ADGRB1: variants seen among roughly 807,000 people sequenced by gnomAD.
ADGRB1 encodes the protein adhesion G protein-coupled receptor B1, also known as brain-specific angiogenesis inhibitor 1.
Under a neutral mutation model 175.7 loss-of-function variants are expected in ADGRB1, and 36 were observed. That is an observed-to-expected ratio of 0.20 (90% CI 0.16 to 0.27). ADGRB1 has a LOEUF of 0.27. ADGRB1 is among the 10% of genes least tolerant of loss of function. The probability of loss-of-function intolerance (pLI) is 1.00; values close to 1 mark genes in which losing one functional copy is unlikely to be tolerated. For synonymous variants in ADGRB1, 1,054 were observed against 979.4 expected, an observed-to-expected ratio of 1.08 and a Z score of -1.42; for missense variants, 1,731 against 2,255.3, an observed-to-expected ratio of 0.77 and a Z score of 4.71.
chr8:142,497,413 G>C (rs1315993845), intron 17 of ADGRB1, among the ~76,000 whole-genome samples: 1 of 152,130 alleles, frequency 6.6e-6, no homozygotes, highest in African/African-American at 2.4e-5. Flanking sequence ...ACTTGGCAGG[G>C]TCCCCGGGTC....
At chr8:142,489,917 G>T (rs1281783862) in intron 16 of ADGRB1, among the ~76,000 whole-genome samples, 4 of 152,226 alleles carry the variant, frequency 2.6e-5, no homozygotes, top group African/African-American at 9.6e-5. Flanking sequence ...CCAGGCCACG[G>T]CTGCTATGTG....
chr8:142,476,764 C>T (rs1057503124), intron 4 of ADGRB1, 69 bp downstream of exon 4: 15 of 1,392,508 alleles, frequency 1.1e-5, no homozygotes, highest in African/African-American at 7.2e-5. Context: ...TCAATTGCAG[C>T]TAGTTATGGG....
At chr8:142,472,599 A>C (rs1840732499) in intron 2 of ADGRB1, among the ~76,000 whole-genome samples, 1 of 152,184 alleles carries the variant, frequency 6.6e-6, no homozygotes, top group Non-Finnish European at 1.5e-5. Context: ...ACATTTACTG[A>C]GTGTCAGCTA....
chr8:142,480,990 G>A (rs570057520), intron 9 of ADGRB1, among the ~76,000 whole-genome samples: 79 of 152,350 alleles, frequency 5.2e-4, no homozygotes, highest in African/African-American at 1.5e-3. Flanking sequence ...CTGCTCGGCC[G>A]AGATCTCCAC....
At chr8:142,518,060 TC>T in intron 18 of ADGRB1, 77 bp from the exon 19 acceptor site, 1 of 1,412,222 alleles carries the variant, frequency 7.1e-7, no homozygotes, top group South Asian at 1.2e-5. Context: ...CTGCGGGCTC[TC>T]GGGTCTCAGT....
At chr8:142,495,705 C>G (rs957494718) in intron 17 of ADGRB1, among the ~76,000 whole-genome samples, 1 of 152,006 alleles carries the variant, frequency 6.6e-6, no homozygotes, top group Non-Finnish European at 1.5e-5. Context: ...CTTTCCTCTT[C>G]TTGTAAGGAC....
At chr8:142,528,574 C>T (rs1264044750) in intron 24 of ADGRB1, among the ~76,000 whole-genome samples, 4 of 152,076 alleles carry the variant, frequency 2.6e-5, no homozygotes, top group Admixed American at 6.5e-5. Flanking sequence ...CTCGGGCGCG[C>T]CCTCAAGTGT....
At chr8:142,520,652 T>C (rs534292724) in intron 19 of ADGRB1, among the ~76,000 whole-genome samples, 171 bp from the exon 20 acceptor site, 1 of 151,520 alleles carries the variant, frequency 6.6e-6, no homozygotes, top group African/African-American at 2.4e-5. Context: ...ATGATGATGA[T>C]GGTGTAATGG....
intron 1 of ADGRB1, among the ~76,000 whole-genome samples, chr8:142,456,778 G>A (rs1255711723): frequency 1.3e-5 from 2 of 152,270 alleles, no homozygotes; most frequent in African/African-American, 4.8e-5. Flanking sequence ...TGGGGTGGAG[G>A]CCTGGGTTGG....
chr8:142,540,937 G>A (rs1845235693), intron 27 of ADGRB1, among the ~76,000 whole-genome samples: 1 of 152,108 alleles, frequency 6.6e-6, no homozygotes, highest in African/African-American at 2.4e-5. Flanking sequence ...CTGTGTTCGG[G>A]AGAGAGAGTG....
intron 17 of ADGRB1, among the ~76,000 whole-genome samples, chr8:142,508,658 G>A (rs532132305): frequency 4.7e-4 from 71 of 152,354 alleles, no homozygotes; most frequent in African/African-American, 1.7e-3. Flanking sequence ...GGCTGGGTAA[G>A]TGTGGAGGAT....
In ADGRB1 at chr8:142,511,984, C is replaced by T. The variant is rs1013361369; in HGVS notation, c.2817+911C>T. On this transcript the variant is annotated intron_variant, in intron 18 of 30. Transcript: ENST00000517894. This position sits in a 1 kb window ranked among gnomAD's most constrained non-coding sequence, Gnocchi z 4.5. Reference sequence around the variant, plus strand: ...GGCATTGCTGGCCCTTGGGGAACCCCGGGTTCGATGTAGAAGGTAGCGCCT... The same window carrying T: ...GGCATTGCTGGCCCTTGGGGAACCCTGGGTTCGATGTAGAAGGTAGCGCCT... Among the ~76,000 whole-genome samples the T allele has an allele frequency of 2.0e-5, 3 of 152,198 alleles. No individual in the cohort carries two copies. The highest frequency in any genetic ancestry group is 6.5e-5 in the Admixed American group (1 of 15,280).
In ADGRB1 at chr8:142,520,910, C is replaced by G. The variant is rs780714527; in HGVS notation, c.3009C>G (p.Thr1003=). ...ATGCCCTCATCCTCATCGGGCAGAC[C>G]CAGACCCGCAACAAGGTAGGCAGCC... ...SSNALILIGQ[T]QTRNKVVCTL... The change falls in exon 20 of 31, where the codon ACC becomes ACG. Residue 1003 remains threonine (T), a synonymous_variant. Transcript: ENST00000517894. 90 of 1,613,134 alleles carry G rather than the reference C, an allele frequency of 5.6e-5. No homozygotes were observed. Among genetic ancestry groups the G allele is most frequent in the Non-Finnish European group, 7.0e-5 (82 of 1,179,346 alleles).
intron 24 of ADGRB1, among the ~76,000 whole-genome samples, chr8:142,528,889 C>T (rs559248952): frequency 7.7e-4 from 117 of 152,350 alleles, no homozygotes; most frequent in African/African-American, 2.4e-3. Flanking sequence ...CGGGCCTGGG[C>T]ACAGGTGGAG....
intron 1 of ADGRB1, among the ~76,000 whole-genome samples, chr8:142,460,352 T>G (rs535973801): frequency 9.3e-4 from 141 of 152,342 alleles, no homozygotes; most frequent in African/African-American, 3.4e-3. Context: ...TGCCCAGCAT[T>G]GCCCAGTGGC....
intron 19 of ADGRB1, among the ~76,000 whole-genome samples, chr8:142,520,451 G>GTGATA (rs1843752484): frequency 2.8e-5 from 3 of 105,772 alleles, no homozygotes; most frequent in Non-Finnish European, 4.1e-5. Context: ...TGGTGATGGT[G>GTGATA]ATGGTGGTGG....
At chr8:142,489,273 A>T in intron 15 of ADGRB1, 63 bp from the exon 16 acceptor site, 2 of 1,589,478 alleles carry the variant, frequency 1.3e-6, no homozygotes. Context: ...GCACCTGGGG[A>T]AGGGCCAGGA....
rs542725517 is a variant in ADGRB1 at position 142,509,014 on chromosome 8, G to C, written c.2676-1918G>C. On this transcript the variant is annotated intron_variant, in intron 17 of 30. Transcript: ENST00000517894. ...TTTCCTTCTCTGTAAAACAGGAGCA[G>C]GTCCTTCCCCTAGGAGGCGGAGAAG... Among the ~76,000 whole-genome samples the C allele has an allele frequency of 3.3e-5, 5 of 152,350 alleles. No homozygotes were observed. The East Asian group carries it at 9.6e-4, about 29-fold the overall frequency.
intron 24 of ADGRB1, among the ~76,000 whole-genome samples, chr8:142,532,318 C>T (rs147638482): frequency 3.9e-5 from 6 of 152,342 alleles, no homozygotes; most frequent in South Asian, 2.1e-4. Flanking sequence ...GGTTGGTGTC[C>T]CCACTGTGAG....
Sources: allele counts gnomAD v4.1 joint callset (sites outside exome capture counted in the v4.1 genomes callset), GRCh38; gene constraint gnomAD v4.1.1; non-coding constraint Gnocchi (gnomAD v3.1); transcripts MANE v1.5; gene names NCBI Gene and HGNC (gene_info 2026-07-23, HGNC 2026-07-21).